The following THOC2 variants were observed in gnomAD, a reference collection of about 807,000 sequenced individuals.
THOC2 encodes the protein THO complex subunit 2, also known as THO complex 2.
A neutral mutation model predicts 128.4 loss-of-function variants in THOC2; 10 were observed. That is an observed-to-expected ratio of 0.08 (90% confidence interval 0.05 to 0.13). The LOEUF is 0.13. Ranked by LOEUF, THOC2 falls within the 10% of genes least tolerant of loss-of-function variation. The pLI is 1.00. For synonymous variants in THOC2, 393 were observed against 396.9 expected (o/e 0.99, Z 0.12); for missense variants, 535 against 1,155.7 (o/e 0.46, Z 7.79).
chrX:123,601,143 C>T lies in THOC2; in HGVS notation c.*214G>A, dbSNP rs2046258850. On this transcript the variant is annotated 3_prime_UTR_variant, in exon 39 of 39. Coordinates refer to ENST00000245838, the MANE Select transcript of THOC2 (RefSeq NM_001081550.2). ...ACTTTCAGCCATTACTGAAAATAAA[C>T]ATGTAGAAACTAAGCAACAAGTTAA... The T allele has an allele frequency of 8.9e-6, 1 of 112,109 alleles. No individual in the cohort carries two copies. The highest frequency in any genetic ancestry group is 1.9e-5 in the Non-Finnish European group (1 of 53,161). The allele number at this position is 112,109 out of a possible 1,213,427, so 9.2% of individuals were successfully genotyped here.
chrX:123,672,892 T>C (rs931883975), intron 8 of THOC2, among the ~76,000 whole-genome samples: 7 of 112,554 alleles, frequency 6.2e-5, no homozygotes, highest in Non-Finnish European at 1.3e-4. Flanking sequence ...AATGAGACCT[T>C]TGTATGTGAG....
intron 30 of THOC2, among the ~76,000 whole-genome samples, chrX:123,621,895 C>T (rs922922928): frequency 9.2e-6 from 1 of 108,244 alleles, no homozygotes; most frequent in South Asian, 4.2e-4. Context: ...ATACAAAAAA[C>T]TTAGCTGCGC....
intron 8 of THOC2, among the ~76,000 whole-genome samples, chrX:123,677,040 T>C (rs1308831742): frequency 1.8e-5 from 2 of 111,544 alleles, no homozygotes; most frequent in South Asian, 3.8e-4. Context: ...CACAAGCCTA[T>C]ATGGTACATA....
chrX:123,681,606 G>A (rs1418817103), intron 8 of THOC2, among the ~76,000 whole-genome samples: 6 of 111,744 alleles, frequency 5.4e-5, no homozygotes, highest in African/African-American at 1.6e-4. Context: ...TCTAGGAATG[G>A]TCTCATCAAT....
intron 9 of THOC2, among the ~76,000 whole-genome samples, chrX:123,669,150 TTCCATTTATC>T: frequency 9.4e-6 from 1 of 106,832 alleles, no homozygotes. Context: ...ATAGATTTCA[TTCCATTTATC>T]AAAAAAAAAA....
chrX:123,665,702 A>T lies in THOC2; in HGVS notation c.1326T>A (p.Leu442=). The change falls in exon 12 of 39, where the codon CTT becomes CTA. Residue 442 remains leucine (L), a synonymous_variant. Transcript: ENST00000245838. ...FNMFCYLGPH[L]SHDPILFAKV... ...TTGCAAATAAAATGGGATCGTGAGA[A>T]AGGTGAGGACCAAGGTAACAGAACA... is the stretch of plus-strand genomic sequence containing the variant. The T allele has an allele frequency of 8.3e-7, 1 of 1,202,243 alleles. No individual in the cohort carries two copies. The highest frequency in any genetic ancestry group is 1.1e-6 in the Non-Finnish European group (1 of 890,657).
At chrX:123,687,821 A>G (rs2050064485) in intron 7 of THOC2, among the ~76,000 whole-genome samples, 1 of 111,899 alleles carries the variant, frequency 8.9e-6, no homozygotes, top group Admixed American at 9.5e-5. Context: ...CAAACTAAGG[A>G]AAAGAAGGAC....
At chrX:123,628,321 A>G (rs1171655274) in intron 22 of THOC2, among the ~76,000 whole-genome samples, 1 of 111,518 alleles carries the variant, frequency 9.0e-6, no homozygotes, top group Non-Finnish European at 1.9e-5. Context: ...TAGGGTTTCC[A>G]GTCCTGCTTT....
At position 123,668,234 on chromosome X, in the gene THOC2, C is replaced by T. The variant is rs774102662; in HGVS notation, c.942G>A (p.Thr314=). ...AEAKQIVRKL[T]MVVLSSEKMD... is the part of the protein sequence containing the mutation. ...TTTTTTCAGAAGACAACACAACCAT[C>T]GTAAGCTTTCTAACAATTTGCTTAG... The change falls in exon 10 of 39, where the codon ACG becomes ACA. Residue 314 remains threonine (T), a synonymous_variant. Coordinates refer to ENST00000245838, the MANE Select transcript of THOC2 (RefSeq NM_001081550.2). 124 of 1,199,314 alleles carry T rather than the reference C, an allele frequency of 1.0e-4. No individual in the cohort carries two copies. The highest frequency in any genetic ancestry group is 4.6e-4 in the Middle Eastern group (2 of 4,338).
chrX:123,622,842 G>C lies in THOC2; in HGVS notation c.3701C>G (p.Ser1234Cys). The C allele has an allele frequency of 8.4e-7, 1 of 1,190,829 alleles. No homozygotes were observed. Among genetic ancestry groups the C allele is most frequent in the Non-Finnish European group, 1.1e-6 (1 of 879,940 alleles). The change falls in exon 30 of 39, where the codon TCT becomes TGT. Residue 1234 changes from serine (S) to cysteine (C), a missense_variant. Ser to Cys is a moderately radical substitution (Grantham distance 112, BLOSUM62 -1). Coordinates refer to ENST00000245838, the MANE Select transcript of THOC2 (RefSeq NM_001081550.2). ...TEETDKSRER[S>C]QCGVKAVNKA... ...ATTAACAGCTTTCACACCACACTGAGATCTCTCCCTTGATTTATCTGAAAT... is the reference window on the plus strand; with the variant it reads ...ATTAACAGCTTTCACACCACACTGACATCTCTCCCTTGATTTATCTGAAAT...
chrX:123,651,034 C>A (rs1370455545), intron 12 of THOC2, among the ~76,000 whole-genome samples: 1 of 111,748 alleles, frequency 8.9e-6, no homozygotes, highest in Non-Finnish European at 1.9e-5. Context: ...CACACTTATT[C>A]TAAAATTGAG....
At chrX:123,637,628 C>T (rs750421280) in intron 18 of THOC2, among the ~76,000 whole-genome samples, 19 of 110,630 alleles carry the variant, frequency 1.7e-4, no homozygotes, top group South Asian at 4.0e-4. Flanking sequence ...GGCGTGGTGG[C>T]GCGTGCCTGT....
At chrX:123,702,925 C>T (rs1272363298) in intron 4 of THOC2, among the ~76,000 whole-genome samples, 1 of 111,241 alleles carries the variant, frequency 9.0e-6, no homozygotes, top group Non-Finnish European at 1.9e-5. Flanking sequence ...CACAGAAATA[C>T]TCCTTTTTTT....
At chrX:123,628,614 G>A (rs1032446942) in intron 22 of THOC2, among the ~76,000 whole-genome samples, 1 of 109,867 alleles carries the variant, frequency 9.1e-6, no homozygotes, top group Non-Finnish European at 1.9e-5. Flanking sequence ...GGGAGGCTGA[G>A]GTGAGAGGAT....
intron 15 of THOC2, 30 bp downstream of exon 15, chrX:123,644,544 AG>A: frequency 9.9e-7 from 1 of 1,012,060 alleles, no homozygotes; most frequent in Non-Finnish European, 1.3e-6. Flanking sequence ...GATATAATTT[AG>A]ATTAATATGA....
chrX:123,618,873 C>T (rs191508575), intron 33 of THOC2, among the ~76,000 whole-genome samples: 2 of 111,306 alleles, frequency 1.8e-5, no homozygotes, highest in East Asian at 5.6e-4. Context: ...TTCACATTAA[C>T]AGTATCTCCT....
chrX:123,723,369 C>T (rs1164980254), intron 1 of THOC2, among the ~76,000 whole-genome samples: 2 of 111,168 alleles, frequency 1.8e-5, no homozygotes, highest in South Asian at 3.8e-4. Context: ...ACTGAAATAG[C>T]CTGGCAATAT....
chrX:123,651,954 C>G (rs1014196786), intron 12 of THOC2, among the ~76,000 whole-genome samples: 1 of 111,536 alleles, frequency 9.0e-6, no homozygotes, highest in East Asian at 2.8e-4. Context: ...TTTTACGAGG[C>G]CAGCATCATC....
intron 4 of THOC2, among the ~76,000 whole-genome samples, chrX:123,703,082 AAAGT>A (rs1055964616): frequency 3.6e-5 from 4 of 112,002 alleles, no homozygotes; most frequent in African/African-American, 1.3e-4. Context: ...GTACAAGAGC[AAAGT>A]AAGTATTTCT....
Sources: allele counts gnomAD v4.1 joint callset (sites outside exome capture counted in the v4.1 genomes callset), GRCh38; gene constraint gnomAD v4.1.1; transcripts MANE v1.5; gene names NCBI Gene and HGNC (gene_info 2026-07-23, HGNC 2026-07-21).